Variants in ATP11C observed in about 807,000 individuals in gnomAD.
The protein encoded by ATP11C is ATPase phospholipid transporting 11C (ATP11C blood group), also known as phospholipid-transporting ATPase IG.
ATP11C carries 36 observed loss-of-function variants against 97.4 expected under a neutral mutation model. That is an observed-to-expected ratio of 0.37 (90% CI 0.28 to 0.49). The LOEUF (loss-of-function observed/expected upper bound fraction) is 0.49, where lower values mean the gene tolerates loss of function less well. ATP11C is among the 20% of genes least tolerant of loss of function. The pLI is 0.98. For synonymous variants in ATP11C, 275 were observed against 290.9 expected (o/e 0.95, Z 0.56); for missense variants, 730 against 824.6 (o/e 0.89, Z 1.40).
intron 1 of ATP11C, chrX:139,924,212 G>A (rs748358382): frequency 2.6e-6 from 1 of 384,603 alleles, no homozygotes; most frequent in Non-Finnish European, 5.2e-6. Flanking sequence ...ATACTTCCTG[G>A]CTCCCCCACT....
At chrX:139,853,397 G>C (rs1053355363) in intron 1 of ATP11C, among the ~76,000 whole-genome samples, 2 of 109,268 alleles carry the variant, frequency 1.8e-5, no homozygotes, top group African/African-American at 6.7e-5. Flanking sequence ...GAGAGAAGAG[G>C]CAAAGAGAGA....
At chrX:139,775,355 G>C (rs2148702704) in intron 18 of ATP11C, among the ~76,000 whole-genome samples, 1 of 112,499 alleles carries the variant, frequency 8.9e-6, no homozygotes, top group Admixed American at 9.4e-5. Context: ...CTAATCAGAT[G>C]ATGAGGGAAA....
chrX:139,736,694 A>G (rs2081451175), intron 28 of ATP11C, among the ~76,000 whole-genome samples: 1 of 111,482 alleles, frequency 9.0e-6, no homozygotes, highest in Non-Finnish European at 1.9e-5. Flanking sequence ...AGTTGTAACT[A>G]AGCTAACATT....
At chrX:139,869,255 T>C (rs1322301791) in intron 1 of ATP11C, among the ~76,000 whole-genome samples, 2 of 111,788 alleles carry the variant, frequency 1.8e-5, no homozygotes, top group African/African-American at 6.5e-5. Flanking sequence ...AAAGAAAACG[T>C]GGTATATTCG....
At chrX:139,749,504 T>A (rs1182702776) in intron 24 of ATP11C, among the ~76,000 whole-genome samples, 1 of 111,987 alleles carries the variant, frequency 8.9e-6, no homozygotes, top group Non-Finnish European at 1.9e-5. Context: ...GAGAAAAGCA[T>A]CCATTTTCAA....
chrX:139,790,445 T>TTCTCTC (rs1217777441), intron 12 of ATP11C, among the ~76,000 whole-genome samples: 23 of 96,845 alleles, frequency 2.4e-4, no homozygotes, highest in Admixed American at 1.4e-3. Flanking sequence ...GACCACTTAT[T>TTCTCTC]TCTCTCTCTC....
intron 1 of ATP11C, among the ~76,000 whole-genome samples, chrX:139,870,511 T>C: frequency 8.9e-6 from 1 of 112,102 alleles, no homozygotes; most frequent in Middle Eastern, 4.6e-3. Flanking sequence ...TCCTCAAACA[T>C]GAGTAAACAA....
rs192762570 is a variant in ATP11C, at chrX:139,920,131, G to A, written c.27+11885C>T. On this transcript the variant is annotated intron_variant, in intron 1 of 29. Transcript: ENST00000682941. Reference sequence around the variant, plus strand: ...TCCCAGCACTTTGGGAGGCCGAGCCGGGCGGATGACCTGAGGTCAGTTCAA... The same window carrying A: ...TCCCAGCACTTTGGGAGGCCGAGCCAGGCGGATGACCTGAGGTCAGTTCAA... 5.5e-3 allele frequency among the ~76,000 whole-genome samples: 613 copies of A among 110,550 alleles called. 11 individuals carry two copies. Among genetic ancestry groups the A allele is most frequent in the African/African-American group, 0.018 (562 of 30,384 alleles).
At chrX:139,786,555 C>T (rs565707982) in intron 15 of ATP11C, among the ~76,000 whole-genome samples, 2 of 111,939 alleles carry the variant, frequency 1.8e-5, no homozygotes, top group African/African-American at 6.5e-5. Context: ...TCAGGAGATC[C>T]TAGGGGCCAG....
chrX:139,842,459 T>C (rs2083848466), intron 1 of ATP11C, among the ~76,000 whole-genome samples: 1 of 112,659 alleles, frequency 8.9e-6, no homozygotes, highest in Admixed American at 9.4e-5. Flanking sequence ...GCCCAATCAC[T>C]TCTCTCCTTT....
At position 139,932,589 on chromosome X, in the gene ATP11C, C is replaced by G. The variant is rs1480006371; in HGVS notation, c.-547G>C. On this transcript the variant is annotated 5_prime_UTR_variant, in exon 1 of 30. Transcript: ENST00000682941. ...CTCACCTCGCCTCAGCCCGACACTA[C>G]TCCCCTGTCTCTGTCGGGAGCCACA... is the stretch of plus-strand genomic sequence containing the variant. 1.8e-5 allele frequency: 2 copies of G among 111,692 alleles called. No homozygotes were observed. Among genetic ancestry groups the G allele is most frequent in the African/African-American group, 3.2e-5 (1 of 30,801 alleles). The allele number at this position is 111,692 out of a possible 1,213,427, so 9.2% of individuals were successfully genotyped here.
At chrX:139,900,580 G>A (rs2084884823) in intron 1 of ATP11C, among the ~76,000 whole-genome samples, 1 of 111,404 alleles carries the variant, frequency 9.0e-6, no homozygotes, top group African/African-American at 3.3e-5. Context: ...GCAGAAGTTG[G>A]AGAACCCTTA....
chrX:139,822,049 T>C (rs772107624), intron 2 of ATP11C, among the ~76,000 whole-genome samples: 7 of 110,495 alleles, frequency 6.3e-5, no homozygotes, highest in Admixed American at 9.7e-5. Context: ...TTGCTACAAA[T>C]CAAAAACAAT....
chrX:139,729,085 G>A, intron 29 of ATP11C, 123 bp from the exon 30 acceptor site: 1 of 487,378 alleles, frequency 2.1e-6, no homozygotes, highest in Non-Finnish European at 3.4e-6. Flanking sequence ...TCTTAACAAA[G>A]TGCCAAGTTT....
intron 1 of ATP11C, among the ~76,000 whole-genome samples, chrX:139,837,950 A>G (rs1164125866): frequency 8.9e-6 from 1 of 112,248 alleles, no homozygotes; most frequent in African/African-American, 3.2e-5. Flanking sequence ...GTAGAAATAC[A>G]AATGTGTCAA....
intron 1 of ATP11C, among the ~76,000 whole-genome samples, chrX:139,857,939 T>C (rs2084119803): frequency 8.9e-6 from 1 of 112,219 alleles, no homozygotes; most frequent in African/African-American, 3.2e-5. Flanking sequence ...GCCACTATGA[T>C]GGTATTAAGA....
At chrX:139,866,284 C>T (rs1188876987) in intron 1 of ATP11C, among the ~76,000 whole-genome samples, 1 of 92,898 alleles carries the variant, frequency 1.1e-5, no homozygotes, top group Non-Finnish European at 2.0e-5. Context: ...GCAGAGTTTA[C>T]AGTGAGCCAA....
intron 1 of ATP11C, among the ~76,000 whole-genome samples, chrX:139,904,422 G>A (rs57367577): frequency 0.023 from 2,504 of 110,676 alleles, 84 homozygotes; most frequent in African/African-American, 0.078. Flanking sequence ...CAGCTACTCG[G>A]GAGGTTGAGG....
rs1011152232 is a variant in ATP11C at position 139,726,408 on chromosome X, G to C, written c.*2558C>G. ...AAACAAAAATTTCTGTAATGGAAAA[G>C]GCAAGTTGCAGTCATAAAAGATGGC... On this transcript the variant is annotated 3_prime_UTR_variant, in exon 30 of 30. Transcript: ENST00000682941. The C allele has an allele frequency of 8.9e-6, 1 of 112,485 alleles. No individual in the cohort carries two copies. Among genetic ancestry groups the C allele is most frequent in the East Asian group, 2.8e-4 (1 of 3,587 alleles). 9.3% of individuals were successfully genotyped at this position (112,485 alleles called of 1,213,427 possible).
Sources: allele counts gnomAD v4.1 joint callset (sites outside exome capture counted in the v4.1 genomes callset), GRCh38; gene constraint gnomAD v4.1.1; transcripts MANE v1.5; gene names NCBI Gene and HGNC (gene_info 2026-07-23, HGNC 2026-07-21).